PARD3B: variants seen among roughly 807,000 people sequenced by gnomAD.
PARD3B encodes par-3 family cell polarity regulator beta.
A neutral mutation model predicts 130.2 loss-of-function variants in PARD3B; 103 were observed. That is an observed-to-expected ratio of 0.79 (90% CI 0.67 to 0.93). The LOEUF is 0.93. Ranked by LOEUF, PARD3B falls within the 40% of genes least tolerant of loss-of-function variation. The pLI is 0.00. For synonymous variants in PARD3B, 583 were observed against 553.2 expected (o/e 1.05, Z -0.76); for missense variants, 1,609 against 1,499.2 (o/e 1.07, Z -1.21).
At chr2:205,054,461 TATACTC>T (rs1699504551) in intron 4 of PARD3B, among the ~76,000 whole-genome samples, 1 of 127,410 alleles carries the variant, frequency 7.8e-6, no homozygotes, top group African/African-American at 2.9e-5. Context: ...TTTTTTTAAT[TATACTC>T]TAAGTTTTAG....
At chr2:205,355,989 G>T (rs2105862480) in intron 18 of PARD3B, among the ~76,000 whole-genome samples, 1 of 152,176 alleles carries the variant, frequency 6.6e-6, no homozygotes, top group Non-Finnish European at 1.5e-5. Context: ...TGATTCATGG[G>T]GATTACGGGG....
At position 204,675,331 on chromosome 2, in the gene PARD3B, A is replaced by ATT. The variant is rs569205303; in HGVS notation, c.121-10843_121-10842dup. Among the ~76,000 whole-genome samples, 2 of 151,920 alleles carry ATT rather than the reference A, an allele frequency of 1.3e-5. No individual in the cohort carries two copies. Among genetic ancestry groups the ATT allele is most frequent in the African/African-American group, 4.8e-5 (2 of 41,470 alleles). On this transcript the variant is annotated intron_variant, in intron 1 of 22. Transcript: ENST00000406610. The surrounding 1 kb of genome is among the most constrained non-coding windows in gnomAD (Gnocchi z 4.4). ...ATCAATTATGCATTAAATATCTTTA[A>ATT]TTTTTTTTAATTTCAGACTTTTAAC...
chr2:204,603,435 G>A (rs1199735033), intron 1 of PARD3B, among the ~76,000 whole-genome samples: 1 of 152,000 alleles, frequency 6.6e-6, no homozygotes, highest in East Asian at 1.9e-4. Flanking sequence ...TCTCTACTGG[G>A]GCAAGTTAAG....
At chr2:205,452,005 A>C (rs1041348026) in intron 20 of PARD3B, among the ~76,000 whole-genome samples, 3 of 152,090 alleles carry the variant, frequency 2.0e-5, no homozygotes, top group Non-Finnish European at 4.4e-5. Context: ...CAACTGGGGG[A>C]CATACATTCC....
At chr2:204,721,291 A>ATGAAGC (rs1323444069) in intron 2 of PARD3B, among the ~76,000 whole-genome samples, 2 of 152,174 alleles carry the variant, frequency 1.3e-5, no homozygotes, top group African/African-American at 4.8e-5. Context: ...GTGGTGGAAT[A>ATGAAGC]TGAAGCTGGT....
intron 18 of PARD3B, among the ~76,000 whole-genome samples, chr2:205,391,111 G>A (rs973064478): frequency 6.6e-6 from 1 of 152,254 alleles, no homozygotes; most frequent in Non-Finnish European, 1.5e-5. Flanking sequence ...GGAAGGGCAA[G>A]TCAAACGGGC....
In PARD3B at chr2:205,300,201, G is replaced by A. The variant is rs1233975953; in HGVS notation, c.2186-329G>A. ...GAAATCACTCTCATTCACATACATA[G>A]TCTCTATAAATAGCTACAGCCTTTC... On this transcript the variant is annotated intron_variant, in intron 16 of 22. Coordinates refer to ENST00000406610, the MANE Select transcript of PARD3B (RefSeq NM_001302769.2). This position sits in a 1 kb window ranked among gnomAD's most constrained non-coding sequence, Gnocchi z 4.1. Among the ~76,000 whole-genome samples the A allele has an allele frequency of 1.3e-5, 2 of 152,182 alleles. No homozygotes were observed. Among genetic ancestry groups the A allele is most frequent in the African/African-American group, 4.8e-5 (2 of 41,450 alleles).
At chr2:205,419,171 T>C (rs866098089) in intron 19 of PARD3B, among the ~76,000 whole-genome samples, 1 of 151,782 alleles carries the variant, frequency 6.6e-6, no homozygotes, top group African/African-American at 2.4e-5. Context: ...CAGTGGGAGG[T>C]ATTTGAATCA....
intron 3 of PARD3B, among the ~76,000 whole-genome samples, chr2:205,036,302 TAA>T (rs567312512): frequency 2.8e-4 from 41 of 144,426 alleles, no homozygotes; most frequent in African/African-American, 5.2e-4. Context: ...GCTATATATA[TAA>T]AAATATATGT....
At chr2:204,902,586 G>A (rs1468051223) in intron 2 of PARD3B, among the ~76,000 whole-genome samples, 2 of 150,082 alleles carry the variant, frequency 1.3e-5, no homozygotes, top group Non-Finnish European at 3.0e-5. Context: ...GGAGAATGGC[G>A]TGAACCCGGG....
intron 4 of PARD3B, among the ~76,000 whole-genome samples, chr2:205,059,549 A>G (rs1481521456): frequency 6.6e-6 from 1 of 151,938 alleles, no homozygotes; most frequent in Non-Finnish European, 1.5e-5. Flanking sequence ...GACAGAATTT[A>G]CCACTTCCCA....
Position 204,673,864 on chromosome 2 carries a change from C to A in PARD3B, c.121-12317C>A, listed in dbSNP as rs922857450. 3.3e-5 allele frequency among the ~76,000 whole-genome samples: 5 copies of A among 152,120 alleles called. No individual in the cohort carries two copies. The highest frequency in any genetic ancestry group is 7.4e-5 in the Non-Finnish European group (5 of 68,022). On this transcript the variant is annotated intron_variant, in intron 1 of 22. Transcript: ENST00000406610. The surrounding 1 kb of genome is among the most constrained non-coding windows in gnomAD (Gnocchi z 4.7). ...TTATTCTCTTTTTTCTTAGATGTTGCAAGAACTCAACACATGTTGCAGAAA... is the reference window on the plus strand; with the variant it reads ...TTATTCTCTTTTTTCTTAGATGTTGAAAGAACTCAACACATGTTGCAGAAA...
At chr2:204,582,330 C>T (rs1427862465) in intron 1 of PARD3B, among the ~76,000 whole-genome samples, 2 of 152,156 alleles carry the variant, frequency 1.3e-5, no homozygotes, top group East Asian at 3.8e-4. Flanking sequence ...TGTGTGTGTG[C>T]ACAGCTGGAA....
intron 1 of PARD3B, among the ~76,000 whole-genome samples, chr2:204,576,319 T>A (rs967488258): frequency 6.6e-6 from 1 of 152,204 alleles, no homozygotes; most frequent in African/African-American, 2.4e-5. Context: ...GCAAGTACCC[T>A]GGGACACAAG....
chr2:204,844,102 A>G (rs1443467432), intron 2 of PARD3B, among the ~76,000 whole-genome samples: 1 of 152,204 alleles, frequency 6.6e-6, no homozygotes, highest in Non-Finnish European at 1.5e-5. Flanking sequence ...CAAAAAGGAT[A>G]GACATTGTCT....
intron 14 of PARD3B, among the ~76,000 whole-genome samples, chr2:205,189,875 C>G (rs1216993133): frequency 6.6e-6 from 1 of 151,964 alleles, no homozygotes; most frequent in Non-Finnish European, 1.5e-5. Context: ...AAAGGGGGGG[C>G]CCTTTTATGA....
In PARD3B at chr2:205,564,746, C is replaced by T. The variant is rs149856697; in HGVS notation, c.3260+11343C>T. ...TCATGTGACACAGGCCCCACGACCT[C>T]GATCATTCTGCCAAGAAACACCTTG... On this transcript the variant is annotated intron_variant, in intron 22 of 22. Coordinates refer to ENST00000406610, the MANE Select transcript of PARD3B (RefSeq NM_001302769.2). This position sits in a 1 kb window ranked among gnomAD's most constrained non-coding sequence, Gnocchi z 4.6. 6.7e-4 allele frequency among the ~76,000 whole-genome samples: 102 copies of T among 152,322 alleles called. No homozygotes were observed. The highest frequency in any genetic ancestry group is 2.3e-3 in the African/African-American group (96 of 41,588).
intron 2 of PARD3B, among the ~76,000 whole-genome samples, chr2:204,899,234 T>TTCCG (rs2046762597): frequency 1.0e-5 from 1 of 98,748 alleles, no homozygotes; most frequent in Non-Finnish European, 1.9e-5. Flanking sequence ...CCTCCTCTCC[T>TTCCG]TCCCTCCCTC....
At chr2:205,441,258 G>A (rs2047705536) in intron 20 of PARD3B, among the ~76,000 whole-genome samples, 1 of 152,148 alleles carries the variant, frequency 6.6e-6, no homozygotes, top group Admixed American at 6.6e-5. Context: ...GAGGTGACAA[G>A]TCCACAGATC....
Sources: allele counts gnomAD v4.1 joint callset (sites outside exome capture counted in the v4.1 genomes callset), GRCh38; gene constraint gnomAD v4.1.1; non-coding constraint Gnocchi (gnomAD v3.1); transcripts MANE v1.5; gene names NCBI Gene and HGNC (gene_info 2026-07-23, HGNC 2026-07-21).